The following KIFAP3 variants were observed in gnomAD, a reference collection of about 807,000 sequenced individuals.
The protein encoded by KIFAP3 is kinesin-associated protein 3.
KIFAP3 carries 68 observed loss-of-function variants against 106.5 expected under a neutral mutation model. The observed-to-expected ratio is 0.64, with a 90% CI of 0.53 to 0.78. KIFAP3 has a LOEUF of 0.78. KIFAP3 is among the 30% of genes least tolerant of loss of function. The pLI is 0.00. For missense variants in KIFAP3, 780 were observed against 941.8 expected, an observed-to-expected ratio of 0.83 and a Z score of 2.25; for synonymous variants, 320 against 311.5, an observed-to-expected ratio of 1.03 and a Z score of -0.29.
chr1:170,062,049 A>G (rs1281117977), intron 1 of KIFAP3, among the ~76,000 whole-genome samples: 1 of 152,074 alleles, frequency 6.6e-6, no homozygotes. Context: ...GCATTAGGAG[A>G]TATGCCTAAT....
rs1165502726 is a variant in KIFAP3, at chr1:170,049,301, G to A, written c.165-2435C>T. Among the ~76,000 whole-genome samples the A allele has an allele frequency of 2.6e-5, 4 of 152,214 alleles. No individual in the cohort carries two copies. In the East Asian group the frequency reaches 7.7e-4, roughly 29 times the overall value. ...CCTCCTCACTGGGCAGGGCATCTAA[G>A]AAGGAAATGCAGCAGCCTTAGGGGC... On this transcript the variant is annotated intron_variant, in intron 2 of 19. Coordinates refer to ENST00000361580, the MANE Select transcript of KIFAP3 (RefSeq NM_014970.4).
At chr1:169,952,965 G>C (rs529185338) in intron 19 of KIFAP3, among the ~76,000 whole-genome samples, 1 of 151,852 alleles carries the variant, frequency 6.6e-6, no homozygotes, top group East Asian at 1.9e-4. Flanking sequence ...ATAGAAAATA[G>C]CTTATCCTAA....
chr1:170,071,034 A>G (rs1671681987), intron 1 of KIFAP3, among the ~76,000 whole-genome samples: 1 of 152,212 alleles, frequency 6.6e-6, no homozygotes, highest in Admixed American at 6.5e-5. Flanking sequence ...ATACCAAAAT[A>G]AGATACCATT....
At chr1:169,964,230 C>A (rs1010127050) in intron 17 of KIFAP3, among the ~76,000 whole-genome samples, 1 of 140,636 alleles carries the variant, frequency 7.1e-6, no homozygotes, top group Non-Finnish European at 1.6e-5. Flanking sequence ...TAATGTTAGC[C>A]ATTACCTTAA....
chr1:169,989,832 T>G (rs1197210667), intron 11 of KIFAP3, among the ~76,000 whole-genome samples: 1 of 152,120 alleles, frequency 6.6e-6, no homozygotes, highest in Non-Finnish European at 1.5e-5. Context: ...CTTTTAGTAC[T>G]GTTTTATTTA....
upstream of KIFAP3, among the ~76,000 whole-genome samples, chr1:170,079,020 G>T (rs1203875142): frequency 6.6e-6 from 1 of 152,168 alleles, no homozygotes; most frequent in African/African-American, 2.4e-5. Flanking sequence ...TTGCCATATT[G>T]CTATATAGTT....
At chr1:170,028,380 C>T (rs1319740544) in intron 8 of KIFAP3, among the ~76,000 whole-genome samples, 1 of 152,110 alleles carries the variant, frequency 6.6e-6, no homozygotes, top group African/African-American at 2.4e-5. Flanking sequence ...GCTCTGTCAC[C>T]TGACTGGAGT....
chr1:169,992,284 C>T (rs777733162), intron 10 of KIFAP3, 29 bp from the exon 11 acceptor site: 37 of 1,203,426 alleles, frequency 3.1e-5, no homozygotes, highest in Non-Finnish European at 4.2e-5. Flanking sequence ...GGTGATGATG[C>T]TATAAATATA....
chr1:170,007,177 T>A (rs1668008162), intron 10 of KIFAP3, among the ~76,000 whole-genome samples: 3 of 151,568 alleles, frequency 2.0e-5, no homozygotes, highest in African/African-American at 4.9e-5. Flanking sequence ...ACCAGAGTAG[T>A]GTGATGGGGT....
chr1:170,039,907 G>T (rs1249195949), intron 3 of KIFAP3, among the ~76,000 whole-genome samples: 1 of 151,968 alleles, frequency 6.6e-6, no homozygotes, highest in Non-Finnish European at 1.5e-5. Flanking sequence ...CGTTTATATT[G>T]AATTATCTGA....
At chr1:170,065,646 T>C (rs1036884054) in intron 1 of KIFAP3, among the ~76,000 whole-genome samples, 1 of 149,236 alleles carries the variant, frequency 6.7e-6, no homozygotes, top group Non-Finnish European at 1.5e-5. Flanking sequence ...AAAAGAAATA[T>C]TGGTAATCTC....
intron 11 of KIFAP3, among the ~76,000 whole-genome samples, chr1:169,986,406 C>G (rs1485554610): frequency 6.6e-6 from 1 of 151,840 alleles, no homozygotes; most frequent in Non-Finnish European, 1.5e-5. Flanking sequence ...AACACTGTAG[C>G]AGGTGAACGG....
At chr1:169,945,086 GCCT>G (rs976671179) in intron 19 of KIFAP3, among the ~76,000 whole-genome samples, 15 of 152,238 alleles carry the variant, frequency 9.9e-5, no homozygotes, top group Admixed American at 8.5e-4. Flanking sequence ...GCACCCCCTG[GCCT>G]CCCTCCCTGA....
At chr1:169,987,307 A>G (rs1666878164) in intron 11 of KIFAP3, among the ~76,000 whole-genome samples, 1 of 152,078 alleles carries the variant, frequency 6.6e-6, no homozygotes. Context: ...AAGAGGCAAT[A>G]GTGTTCAATC....
chr1:169,967,731 T>G (rs1665699735), intron 17 of KIFAP3, among the ~76,000 whole-genome samples: 1 of 151,836 alleles, frequency 6.6e-6, no homozygotes, highest in African/African-American at 2.4e-5. Context: ...CTATCCCAAA[T>G]AACTGAAAAA....
intron 5 of KIFAP3, among the ~76,000 whole-genome samples, chr1:170,037,567 T>TA (rs754282799): frequency 0.011 from 1,443 of 137,386 alleles, 12 homozygotes; most frequent in African/African-American, 0.029. Context: ...CTGTCTCTAC[T>TA]AAAAAAAAAA....
At chr1:169,999,425 C>A (rs1667551022) in intron 10 of KIFAP3, among the ~76,000 whole-genome samples, 1 of 152,166 alleles carries the variant, frequency 6.6e-6, no homozygotes, top group African/African-American at 2.4e-5. Context: ...TAAAAACAGG[C>A]TGCCAACAGT....
At chr1:170,054,257 G>A (rs756971414) in intron 2 of KIFAP3, among the ~76,000 whole-genome samples, 1 of 152,002 alleles carries the variant, frequency 6.6e-6, no homozygotes, top group African/African-American at 2.4e-5. Flanking sequence ...GCTCATCATC[G>A]GTCATTAGAA....
intron 10 of KIFAP3, among the ~76,000 whole-genome samples, chr1:169,997,925 A>C (rs188900659): frequency 6.6e-6 from 1 of 151,590 alleles, no homozygotes; most frequent in East Asian, 1.9e-4. Context: ...GCTGTTCATA[A>C]AATTTAGGCT....
Sources: gnomAD v4.1 joint callset for allele counts (sites outside exome capture counted in the v4.1 genomes callset) on GRCh38, gnomAD v4.1.1 for gene constraint, MANE v1.5 for transcripts, NCBI Gene and HGNC (gene_info 2026-07-23, HGNC 2026-07-21) for gene names.